The following ERC2 variants were observed in gnomAD, a reference collection of about 807,000 sequenced individuals.
ERC2 encodes the protein ERC protein 2.
A neutral mutation model predicts 114.8 loss-of-function variants in ERC2; 42 were observed. The ratio of observed to expected loss-of-function variants is 0.37; its 90% CI spans 0.29 to 0.47. ERC2 has a LOEUF of 0.47. ERC2 is among the 20% of genes least tolerant of loss of function. The pLI is 0.99. For synonymous variants in ERC2, 454 were observed against 425.5 expected (o/e 1.07, Z -0.82); for missense variants, 939 against 1,150.7 (o/e 0.82, Z 2.66).
intron 17 of ERC2, among the ~76,000 whole-genome samples, chr3:55,628,694 A>G (rs1030606433): frequency 6.6e-6 from 1 of 152,204 alleles, no homozygotes; most frequent in Non-Finnish European, 1.5e-5. Context: ...ATGTCATTGA[A>G]AAAAGAAGAT....
rs370768829 is a variant in ERC2, at chr3:56,192,243, G to A, written c.1075-18723C>T. ...CTCTGCTCTCTAACATGACTCCACA[G>A]TGTCTCACCCAAGGTTGACACTCCC... is the stretch of plus-strand genomic sequence containing the variant. On this transcript the variant is annotated intron_variant, in intron 3 of 17. Transcript: ENST00000288221. 1.1e-4 allele frequency among the ~76,000 whole-genome samples: 17 copies of A among 152,250 alleles called. No individual in the cohort carries two copies. In the East Asian group the frequency reaches 2.9e-3, roughly 26 times the overall value.
chr3:56,360,784 T>A (rs1372999217), intron 2 of ERC2, among the ~76,000 whole-genome samples: 1 of 152,142 alleles, frequency 6.6e-6, no homozygotes, highest in East Asian at 1.9e-4. Flanking sequence ...GGCATAGGCA[T>A]GTAATCCCAG....
intron 2 of ERC2, among the ~76,000 whole-genome samples, chr3:56,355,755 G>A (rs563663553): frequency 6.6e-6 from 1 of 152,292 alleles, no homozygotes; most frequent in African/African-American, 2.4e-5. Context: ...TTAGGGTAAA[G>A]TCTGGTTCCT....
intron 14 of ERC2, among the ~76,000 whole-genome samples, chr3:55,771,627 G>GACT (rs2068210053): frequency 6.6e-6 from 1 of 152,220 alleles, no homozygotes; most frequent in South Asian, 2.1e-4. Flanking sequence ...TAGGCTGGCT[G>GACT]ACTGCAGGCA....
At chr3:55,842,842 C>A (rs917378544) in intron 14 of ERC2, among the ~76,000 whole-genome samples, 5 of 151,782 alleles carry the variant, frequency 3.3e-5, no homozygotes, top group Non-Finnish European at 5.9e-5. Flanking sequence ...TAACCTCTAA[C>A]GATCAAAAGT....
intron 2 of ERC2, among the ~76,000 whole-genome samples, chr3:56,361,404 T>C (rs2058953000): frequency 6.6e-6 from 1 of 152,108 alleles, no homozygotes; most frequent in African/African-American, 2.4e-5. Context: ...TATTTAGGAT[T>C]CTGAAGTGAA....
chr3:55,581,887 T>C (rs1208699732), intron 17 of ERC2, among the ~76,000 whole-genome samples: 1 of 151,870 alleles, frequency 6.6e-6, no homozygotes, highest in Non-Finnish European at 1.5e-5. Context: ...AACACATGAG[T>C]CTTCATCTAG....
At chr3:56,463,905 C>T (rs190038341) in intron 1 of ERC2, among the ~76,000 whole-genome samples, 1 of 152,350 alleles carries the variant, frequency 6.6e-6, no homozygotes, top group African/African-American at 2.4e-5. Context: ...GTGTTCACCA[C>T]TGCACTGAAC....
intron 17 of ERC2, among the ~76,000 whole-genome samples, chr3:55,557,133 T>G (rs2107458643): frequency 6.6e-6 from 1 of 152,338 alleles, no homozygotes; most frequent in South Asian, 2.1e-4. Context: ...GAGAGCCTTC[T>G]TCTGGCTTTA....
intron 3 of ERC2, among the ~76,000 whole-genome samples, chr3:56,269,788 G>T (rs1165521040): frequency 1.3e-5 from 2 of 152,148 alleles, no homozygotes; most frequent in Admixed American, 6.5e-5. Flanking sequence ...TGTTAAGAAA[G>T]CCAGGAAAAT....
rs12491024 is a variant in ERC2, at chr3:56,040,595, C to A, written c.1642-21564G>T. Among the ~76,000 whole-genome samples the A allele has an allele frequency of 3.2e-3, 18 of 5,678 alleles. 1 individual carries two copies. In the South Asian group the frequency reaches 0.056, roughly 18 times the overall value. The allele number at this position is 5,678 out of a possible 152,430, so 3.7% of individuals were successfully genotyped here. On this transcript the variant is annotated intron_variant, in intron 7 of 17. Transcript: ENST00000288221. ...TATATGTATACATATACATATATAT[C>A]TATATATGTATATATAATATATAGA... is the stretch of plus-strand genomic sequence containing the variant.
At chr3:56,085,521 G>T (rs892617467) in intron 6 of ERC2, among the ~76,000 whole-genome samples, 1 of 152,102 alleles carries the variant, frequency 6.6e-6, no homozygotes, top group African/African-American at 2.4e-5. Flanking sequence ...CACGTCCTGG[G>T]GATCTTCCTC....
At chr3:56,206,094 G>T (rs2048710210) in intron 3 of ERC2, among the ~76,000 whole-genome samples, 1 of 152,098 alleles carries the variant, frequency 6.6e-6, no homozygotes, top group Non-Finnish European at 1.5e-5. Context: ...AATTTTGCCT[G>T]TCCTTATAAA....
intron 6 of ERC2, among the ~76,000 whole-genome samples, chr3:56,132,728 G>C (rs1459480482): frequency 6.6e-6 from 1 of 152,186 alleles, no homozygotes; most frequent in Non-Finnish European, 1.5e-5. Flanking sequence ...CCAACAATCA[G>C]AGAGAACAAA....
chr3:56,448,241 C>A (rs1004184461), intron 1 of ERC2, among the ~76,000 whole-genome samples: 9 of 152,122 alleles, frequency 5.9e-5, no homozygotes, highest in Non-Finnish European at 1.0e-4. Flanking sequence ...TATTATAAAC[C>A]CCTACACTGC....
Position 55,950,510 on chromosome 3 carries a change from T to C in ERC2, c.2318A>G (p.Gln773Arg). The C allele has an allele frequency of 6.2e-7, 1 of 1,614,064 alleles. No individual in the cohort carries two copies. The highest frequency in any genetic ancestry group is 1.1e-5 in the South Asian group (1 of 91,084). Residue 773 changes from glutamine (Q) to arginine (R), a missense_variant, in exon 13 of 18, where the codon CAG becomes CGG. Physicochemically the swap from Gln to Arg is conservative, Grantham distance 43. Coordinates refer to ENST00000288221, the MANE Select transcript of ERC2 (RefSeq NM_015576.3). Reference sequence around the variant, plus strand: ...CTGAGCATTTTTCTTCTTTTCCAACTGTTGATTGTGCTTGAGGTTGGCCAC... The same window carrying C: ...CTGAGCATTTTTCTTCTTTTCCAACCGTTGATTGTGCTTGAGGTTGGCCAC... ...KKVANLKHNQ[Q>R]LEKKKNAQLL...
intron 2 of ERC2, among the ~76,000 whole-genome samples, chr3:56,299,898 G>A (rs1383600305): frequency 1.3e-5 from 2 of 152,148 alleles, no homozygotes; most frequent in African/African-American, 2.4e-5. Flanking sequence ...CTTAAGATTC[G>A]TAAACCAGCC....
intron 3 of ERC2, among the ~76,000 whole-genome samples, chr3:56,244,054 A>T: frequency 6.6e-6 from 1 of 152,270 alleles, no homozygotes; most frequent in South Asian, 2.1e-4. Context: ...TTTACATATT[A>T]TATATTAAAT....
chr3:55,714,686 T>TATACACATATATATATATATAC (rs2063998477), intron 15 of ERC2, among the ~76,000 whole-genome samples: 19 of 24,428 alleles, frequency 7.8e-4, no homozygotes, highest in Non-Finnish European at 1.5e-3. Context: ...TATATATATA[T>TATACACATATATATATATATAC]ATATATATAT....
Sources: allele counts gnomAD v4.1 joint callset (sites outside exome capture counted in the v4.1 genomes callset), GRCh38; gene constraint gnomAD v4.1.1; transcripts MANE v1.5; gene names NCBI Gene and HGNC (gene_info 2026-07-23, HGNC 2026-07-21).